PRR29: variants seen among roughly 807,000 people sequenced by gnomAD.
PRR29 encodes the protein proline-rich protein 29.
PRR29 carries 20 observed loss-of-function variants against 25.1 expected under a neutral mutation model. The observed-to-expected ratio is 0.80, with a 90% CI of 0.56 to 1.16. The LOEUF (loss-of-function observed/expected upper bound fraction) is 1.16, where lower values mean the gene tolerates loss of function less well. Ranked by LOEUF, PRR29 falls within the 50% of genes most tolerant of loss-of-function variation. The pLI is 0.00. For synonymous variants in PRR29, 108 were observed against 102.6 expected (o/e 1.05, Z -0.32); for missense variants, 238 against 246.6 (o/e 0.97, Z 0.23).
chr17:63,998,743 G>T lies in PRR29; in HGVS notation c.97G>T (p.Val33Phe). The T allele has an allele frequency of 6.6e-7, 1 of 1,520,196 alleles. No homozygotes were observed. Among genetic ancestry groups the T allele is most frequent in the Non-Finnish European group, 8.8e-7 (1 of 1,141,270 alleles). 94.2% of individuals were successfully genotyped at this position (1,520,196 alleles called of 1,614,324 possible). The change falls in exon 2 of 6, where the codon GTC becomes TTC. Residue 33 changes from valine to phenylalanine, a missense_variant. Val to Phe is a conservative substitution (Grantham distance 50, BLOSUM62 -1). Transcript: ENST00000412177. ...VTFLQPLSWA[V>F]PPAPPQPGRV... ...CTTCCTGCAGCCCCTCTCGTGGGCC[G>T]TCCCACCTGCGCCCCCGCAGCCAGG...
chr17:64,003,924 CA>C lies in PRR29; in HGVS notation c.*2166del, dbSNP rs1233989815. Reference sequence around the variant, plus strand: ...TGGTGAAGGACTTGCCCACAGCCACCAAAGTGGGTTGCAGTGTCAGGATGAC... The same window carrying C: ...TGGTGAAGGACTTGCCCACAGCCACCAAGTGGGTTGCAGTGTCAGGATGAC... On this transcript the variant is annotated 3_prime_UTR_variant, in exon 6 of 6. Coordinates refer to ENST00000412177, the MANE Select transcript of PRR29 (RefSeq NM_001164257.2). 4.3e-6 allele frequency: 7 copies of C among 1,613,834 alleles called. No homozygotes were observed.
chr17:64,002,923 G>A lies in PRR29; in HGVS notation c.*1162G>A, dbSNP rs1443789584. 1 of 1,612,764 alleles carries A rather than the reference G, an allele frequency of 6.2e-7. No individual in the cohort carries two copies. The highest frequency in any genetic ancestry group is 1.1e-5 in the South Asian group (1 of 91,014). ...ATGACCATCTGGCTGTCCGACACAG[G>A]CTCTGGGGAGGGAGGGGGCAAGGGT... On this transcript the variant is annotated 3_prime_UTR_variant, in exon 6 of 6. Coordinates refer to ENST00000412177, the MANE Select transcript of PRR29 (RefSeq NM_001164257.2).
Position 63,998,730 on chromosome 17 carries a change from C to A in PRR29, c.84C>A (p.Pro28=), listed in dbSNP as rs544360158. 6.5e-7 allele frequency: 1 copy of A among 1,529,480 alleles called. No individual in the cohort carries two copies. The highest frequency in any genetic ancestry group is 2.5e-5 in the East Asian group (1 of 40,764). 94.7% of individuals were successfully genotyped at this position (1,529,480 alleles called of 1,614,324 possible). A position where few individuals can be genotyped will look rare whatever the true frequency, so the allele number is the denominator to read the frequency against. The change falls in exon 2 of 6, where the codon CCC becomes CCA. Residue 28 remains proline, a synonymous_variant. Transcript: ENST00000412177. ...AGCCCTGGGTCACCTTCCTGCAGCC[C>A]CTCTCGTGGGCCGTCCCACCTGCGC... ...VPTPWVTFLQ[P]LSWAVPPAPP... is the part of the protein sequence containing the mutation.
At chr17:64,000,885 C>T in intron 3 of PRR29, 199 bp from the exon 4 acceptor site, 1 of 565,372 alleles carries the variant, frequency 1.8e-6, no homozygotes, top group Non-Finnish European at 3.2e-6. Context: ...CCAGGATGGT[C>T]TCAATCTCCT....
chr17:64,004,022 C>G lies in PRR29; in HGVS notation c.*2261C>G, dbSNP rs1378930385. 3 of 1,350,332 alleles carry G rather than the reference C, an allele frequency of 2.2e-6. No homozygotes were observed. The Admixed American group carries it at 6.3e-5, about 29-fold the overall frequency. 83.6% of individuals were successfully genotyped at this position (1,350,332 alleles called of 1,614,324 possible). ...GATGGGGGTGCAGTCCCAGCAGCCT[C>G]CCCCTGGCCAGGGCCATCTCCTGTC... On this transcript the variant is annotated 3_prime_UTR_variant, in exon 6 of 6. Coordinates refer to ENST00000412177, the MANE Select transcript of PRR29 (RefSeq NM_001164257.2).
In PRR29 at chr17:63,998,997, G is replaced by T. The variant is rs1263650004; in HGVS notation, c.166G>T (p.Ala56Ser). The change falls in exon 3 of 6, where the codon GCG becomes TCG. Residue 56 changes from alanine to serine, a missense_variant. By Grantham distance (99) the Ala-to-Ser change is moderately conservative. Transcript: ENST00000412177. ...GCTGGAACTGATGATGCTGCAGAAC[G>T]CGCAGATGCACCAGCTGCTGCTGAG... ...DLLELMMLQN[A>S]QMHQLLLSRL... 2 of 1,536,226 alleles carry T rather than the reference G, an allele frequency of 1.3e-6. No individual in the cohort carries two copies. Among genetic ancestry groups the T allele is most frequent in the South Asian group, 2.4e-5 (2 of 84,060 alleles).
At position 63,998,352 on chromosome 17, in the gene PRR29, AC is replaced by A; in HGVS notation, c.-11del. ...TGGCGTCCTCGGCGTCGCCAAGGCA[AC>A]CGGCGCCAGCCATGGCCTCTGGGGC... On this transcript the variant is annotated 5_prime_UTR_variant, in exon 1 of 6. Transcript: ENST00000412177. 6.5e-7 allele frequency: 1 copy of A among 1,531,520 alleles called. No homozygotes were observed. Among genetic ancestry groups the A allele is most frequent in the Non-Finnish European group, 8.7e-7 (1 of 1,145,026 alleles). 94.9% of individuals were successfully genotyped at this position (1,531,520 alleles called of 1,614,324 possible). A position where few individuals can be genotyped will look rare whatever the true frequency, so the allele number is the denominator to read the frequency against.
chr17:63,999,819 G>A (rs921141603), intron 3 of PRR29: 8 of 154,556 alleles, frequency 5.2e-5, no homozygotes, highest in Admixed American at 1.3e-4. Context: ...GTGTGCAAGG[G>A]TGTGCGTGCA....
chr17:64,002,219 T>A lies in PRR29; in HGVS notation c.*458T>A, dbSNP rs375242749. ...AGGTGGCTGGAGGGGCCCAGAGTGGTCGGGGAGAGACTTTGCTGGGCAGCG... is the reference window on the plus strand; with the variant it reads ...AGGTGGCTGGAGGGGCCCAGAGTGGACGGGGAGAGACTTTGCTGGGCAGCG... On this transcript the variant is annotated 3_prime_UTR_variant, in exon 6 of 6. Coordinates refer to ENST00000412177, the MANE Select transcript of PRR29 (RefSeq NM_001164257.2). 8 of 592,190 alleles carry A rather than the reference T, an allele frequency of 1.4e-5. No homozygotes were observed. The highest frequency in any genetic ancestry group is 4.1e-5 in the South Asian group (2 of 48,428). 36.7% of individuals were successfully genotyped at this position (592,190 alleles called of 1,614,324 possible).
chr17:64,003,856 G>A lies in PRR29; in HGVS notation c.*2095G>A. The A allele has an allele frequency of 6.2e-7, 1 of 1,614,248 alleles. No individual in the cohort carries two copies. The highest frequency in any genetic ancestry group is 2.2e-5 in the East Asian group (1 of 44,890). On this transcript the variant is annotated 3_prime_UTR_variant, in exon 6 of 6. Coordinates refer to ENST00000412177, the MANE Select transcript of PRR29 (RefSeq NM_001164257.2). ...CTCATTGCCACGGAACAGGAAGAGG[G>A]TGAGGCTGTCCAGGGGCTCCACGGT...
At chr17:63,999,154 G>A in intron 3 of PRR29, 80 bp downstream of exon 3, 2 of 1,078,686 alleles carry the variant, frequency 1.9e-6, no homozygotes, top group African/African-American at 1.6e-5. Flanking sequence ...GTTCAGGGGG[G>A]AAAAGAACTG....
Position 63,998,437 on chromosome 17 carries a change from C to A in PRR29, c.60+13C>A, listed in dbSNP as rs1169058622. 1 of 1,474,562 alleles carries A rather than the reference C, an allele frequency of 6.8e-7. No individual in the cohort carries two copies. Among genetic ancestry groups the A allele is most frequent in the East Asian group, 2.5e-5 (1 of 39,898 alleles). 91.3% of individuals were successfully genotyped at this position (1,474,562 alleles called of 1,614,324 possible). ...CGCAGTCCCGACGGTGAGGGCTGAG[C>A]CCGGGAGCAGATCCTGCCTTAGCTT... On this transcript the variant is annotated intron_variant, in intron 1 of 5. Coordinates refer to ENST00000412177, the MANE Select transcript of PRR29 (RefSeq NM_001164257.2).
chr17:64,003,797 G>T lies in PRR29; in HGVS notation c.*2036G>T. ...GTGGCTGTGGCCTCCTGCGGAGCAG[G>T]GGCTGCCTTCCCGAAGGTCTCATAG... is the stretch of plus-strand genomic sequence containing the variant. On this transcript the variant is annotated 3_prime_UTR_variant, in exon 6 of 6. Transcript: ENST00000412177. 2 of 1,614,252 alleles carry T rather than the reference G, an allele frequency of 1.2e-6. No homozygotes were observed. The highest frequency in any genetic ancestry group is 1.7e-6 in the Non-Finnish European group (2 of 1,180,044).
Position 64,003,609 on chromosome 17 carries a change from A to C in PRR29, c.*1848A>C, listed in dbSNP as rs4141180. ...TCCCCCGAGGGGCTGAAAGTGACTT[A>C]TCACTCCCAACTCCATCCACGGATC... On this transcript the variant is annotated 3_prime_UTR_variant, in exon 6 of 6. Coordinates refer to ENST00000412177, the MANE Select transcript of PRR29 (RefSeq NM_001164257.2). 1,567,204 of 1,579,446 alleles carry C rather than the reference A, an allele frequency of 0.99. 778,251 individuals are homozygous for C. The highest frequency in any genetic ancestry group is 1 in the East Asian group (44,498 of 44,498).
Position 64,001,869 on chromosome 17 carries a change from T to C in PRR29, c.*108T>C. ...ACTCCCCGGTGCCCATGGCTGGCAG[T>C]CCTTCTCACTCCCTCAACCTCAGCC... is the stretch of plus-strand genomic sequence containing the variant. On this transcript the variant is annotated 3_prime_UTR_variant, in exon 6 of 6. Coordinates refer to ENST00000412177, the MANE Select transcript of PRR29 (RefSeq NM_001164257.2). 6.5e-7 allele frequency: 1 copy of C among 1,536,752 alleles called. No individual in the cohort carries two copies. Among genetic ancestry groups the C allele is most frequent in the Non-Finnish European group, 8.7e-7 (1 of 1,146,864 alleles).
intron 3 of PRR29, chr17:64,000,865 AC>A (rs1451952609): frequency 4.0e-6 from 2 of 503,386 alleles, no homozygotes; most frequent in African/African-American, 4.2e-5. Flanking sequence ...ACGGGGTTTC[AC>A]CGTGTTAGCC....
rs988790304 is a variant in PRR29, at chr17:64,002,115, G to T, written c.*354G>T. On this transcript the variant is annotated 3_prime_UTR_variant, in exon 6 of 6. Coordinates refer to ENST00000412177, the MANE Select transcript of PRR29 (RefSeq NM_001164257.2). ...TCACCCCTCTCTCTGGGATGATGAG[G>T]TCTCCTTCCAGCCTAGTAATGGAGC... 3 of 1,011,198 alleles carry T rather than the reference G, an allele frequency of 3.0e-6. No homozygotes were observed. The highest frequency in any genetic ancestry group is 4.3e-6 in the Non-Finnish European group (3 of 705,594). 62.6% of individuals were successfully genotyped at this position (1,011,198 alleles called of 1,614,324 possible). A position where few individuals can be genotyped will look rare whatever the true frequency, so the allele number is the denominator to read the frequency against.
intron 3 of PRR29, chr17:63,999,511 G>C (rs1910430054): frequency 4.9e-6 from 1 of 202,676 alleles, no homozygotes; most frequent in Non-Finnish European, 1.0e-5. Flanking sequence ...GAGGTACAAA[G>C]CACAAGTGCA....
At position 64,002,992 on chromosome 17, in the gene PRR29, T is replaced by C; in HGVS notation, c.*1231T>C. 1 of 1,493,072 alleles carries C rather than the reference T, an allele frequency of 6.7e-7. No individual in the cohort carries two copies. The highest frequency in any genetic ancestry group is 1.4e-5 in the African/African-American group (1 of 72,282). 92.5% of individuals were successfully genotyped at this position (1,493,072 alleles called of 1,614,324 possible). The stretch of plus-strand genomic sequence containing the variant: ...CCAGTTACCAGGGACCAAAAGGGAG[T>C]GGAAGTCCACCCCCAACCCAGACCC... On this transcript the variant is annotated 3_prime_UTR_variant, in exon 6 of 6. Coordinates refer to ENST00000412177, the MANE Select transcript of PRR29 (RefSeq NM_001164257.2).
Sources: gnomAD v4.1 joint callset for allele counts on GRCh38, gnomAD v4.1.1 for gene constraint, MANE v1.5 for transcripts, NCBI Gene and HGNC (gene_info 2026-07-23, HGNC 2026-07-21) for gene names.